The following NTM variants were observed in gnomAD, a reference collection of about 807,000 sequenced individuals.
NTM encodes the protein IgLON family member 2.
A neutral mutation model predicts 42.1 loss-of-function variants in NTM; 13 were observed. The observed-to-expected ratio is 0.31, with a 90% CI of 0.20 to 0.49. NTM has a LOEUF of 0.49. NTM is among the 20% of genes least tolerant of loss of function. The pLI is 0.99. For synonymous variants in NTM, 187 were observed against 179.2 expected (o/e 1.04, Z -0.35); for missense variants, 373 against 452.8 (o/e 0.82, Z 1.60).
chr11:132,322,105 A>G (rs1209409267), intron 7 of NTM, among the ~76,000 whole-genome samples: 1 of 152,200 alleles, frequency 6.6e-6, no homozygotes, highest in East Asian at 1.9e-4. Context: ...CGAGACTAGG[A>G]AGAAACTGCA....
intron 2 of NTM, among the ~76,000 whole-genome samples, chr11:131,952,833 C>A (rs554544343): frequency 6.6e-6 from 1 of 152,258 alleles, no homozygotes; most frequent in East Asian, 1.9e-4. Flanking sequence ...TGACTGGTGA[C>A]CAATGCATTA....
chr11:131,375,967 A>G (rs552863429), intron 1 of NTM, among the ~76,000 whole-genome samples: 1 of 151,434 alleles, frequency 6.6e-6, no homozygotes, highest in Admixed American at 6.6e-5. Context: ...TCTGTTCTTC[A>G]CCTTCTCTTT....
intron 2 of NTM, among the ~76,000 whole-genome samples, chr11:132,024,930 A>G (rs1341233114): frequency 4.6e-5 from 7 of 152,076 alleles, no homozygotes; most frequent in Non-Finnish European, 8.8e-5. Context: ...AAACAAATAC[A>G]CCCTGAGATC....
rs2074213726 is a variant in NTM, at chr11:132,161,313, C to T, written c.400+14799C>T. Among the ~76,000 whole-genome samples, 3 of 143,954 alleles carry T rather than the reference C, an allele frequency of 2.1e-5. No homozygotes were observed. The South Asian group carries it at 7.2e-4, about 34-fold the overall frequency. The allele number at this position is 143,954 out of a possible 152,430, so 94.4% of individuals were successfully genotyped here. A position where few individuals can be genotyped will look rare whatever the true frequency, so the allele number is the denominator to read the frequency against. On this transcript the variant is annotated intron_variant, in intron 3 of 8. Transcript: ENST00000683400. ...CTTCCTTTCCATAGACAGTTCTCTT[C>T]TTTGCTATTTTCCACCTAGCTCTTG... is the stretch of plus-strand genomic sequence containing the variant.
rs370640721 is a variant in NTM, at chr11:132,148,725, AT to A, written c.400+2212del. Among the ~76,000 whole-genome samples, 356 of 152,274 alleles carry A rather than the reference AT, an allele frequency of 2.3e-3. 2 individuals carry two copies. Among genetic ancestry groups the A allele is most frequent in the African/African-American group, 8.2e-3 (341 of 41,566 alleles). ...CTGATACAAAGTGAACATTTAATAA[AT>A]GCTTATTGAAGCAAATGGCTAGAAT... On this transcript the variant is annotated intron_variant, in intron 3 of 8. Coordinates refer to ENST00000683400, the MANE Select transcript of NTM (RefSeq NM_001352005.2).
intron 2 of NTM, among the ~76,000 whole-genome samples, chr11:132,097,631 T>C (rs10791194): frequency 0.73 from 111,489 of 152,192 alleles, 41,850 homozygotes; most frequent in African/African-American, 0.86. Context: ...AACACTGATA[T>C]GACCTCCTAG....
At chr11:131,637,628 T>C (rs1237721951) in intron 1 of NTM, among the ~76,000 whole-genome samples, 1 of 151,646 alleles carries the variant, frequency 6.6e-6, no homozygotes, top group Non-Finnish European at 1.5e-5. Flanking sequence ...CTCATACCAT[T>C]ATTGAGGGTA....
chr11:131,846,671 CTAAA>C (rs1356395007), intron 1 of NTM, among the ~76,000 whole-genome samples: 16 of 151,910 alleles, frequency 1.1e-4, no homozygotes, highest in African/African-American at 3.9e-4. Flanking sequence ...GCTCTGTAGT[CTAAA>C]TAGTACATAT....
intron 1 of NTM, chr11:131,536,143 G>A (rs1253063493): frequency 6.6e-6 from 1 of 152,152 alleles, no homozygotes; most frequent in Non-Finnish European, 1.5e-5. Flanking sequence ...AACAGCCATA[G>A]GAGGAGGGTT....
At chr11:131,543,461 A>G (rs1196649551) in intron 1 of NTM, among the ~76,000 whole-genome samples, 1 of 152,228 alleles carries the variant, frequency 6.6e-6, no homozygotes, top group Non-Finnish European at 1.5e-5. Context: ...CTGAAGGGCA[A>G]CAGGACACTG....
chr11:132,102,706 T>C (rs2061773086), intron 2 of NTM, among the ~76,000 whole-genome samples: 1 of 152,192 alleles, frequency 6.6e-6, no homozygotes, highest in Admixed American at 6.5e-5. Flanking sequence ...TGCCCCACTT[T>C]GTAGTACAGA....
chr11:131,525,682 G>A (rs1041226489), intron 1 of NTM, among the ~76,000 whole-genome samples: 1 of 152,176 alleles, frequency 6.6e-6, no homozygotes, highest in Non-Finnish European at 1.5e-5. Context: ...AGCATCACTG[G>A]GGCATGAGGT....
At chr11:132,287,776 T>G (rs897389114) in intron 4 of NTM, among the ~76,000 whole-genome samples, 1 of 152,340 alleles carries the variant, frequency 6.6e-6, no homozygotes, top group Admixed American at 6.5e-5. Flanking sequence ...CATGTGAATG[T>G]GTCTCTAATA....
chr11:132,317,907 GGAAAGAAA>G lies in NTM; in HGVS notation c.934+3213_934+3220del, dbSNP rs540176519. On this transcript the variant is annotated intron_variant, in intron 7 of 8. Coordinates refer to ENST00000683400, the MANE Select transcript of NTM (RefSeq NM_001352005.2). ...CACTCCCCCAGGAGGGCTGGGAAGG[GGAAAGAAA>G]GAAAGAAAAGTATCGTTAAATTCTC... Among the ~76,000 whole-genome samples, 801 of 152,212 alleles carry G rather than the reference GGAAAGAAA, an allele frequency of 5.3e-3. 5 individuals carry two copies. The highest frequency in any genetic ancestry group is 0.018 in the African/African-American group (767 of 41,510).
chr11:131,790,514 G>C (rs1169514639), intron 1 of NTM, among the ~76,000 whole-genome samples: 1 of 152,152 alleles, frequency 6.6e-6, no homozygotes, highest in Admixed American at 6.5e-5. Flanking sequence ...TTACCCTCAT[G>C]GCCTCAGAGG....
intron 4 of NTM, among the ~76,000 whole-genome samples, chr11:132,219,512 A>G (rs1479277737): frequency 6.6e-6 from 1 of 151,708 alleles, no homozygotes; most frequent in Non-Finnish European, 1.5e-5. Context: ...TTTAATATGT[A>G]TAATATTATA....
chr11:132,106,338 T>A (rs956126024), intron 2 of NTM, among the ~76,000 whole-genome samples: 1 of 152,226 alleles, frequency 6.6e-6, no homozygotes, highest in Non-Finnish European at 1.5e-5. Context: ...ATGGAAGTCA[T>A]TGGAGAGTTT....
chr11:131,445,429 AG>A (rs1465978277), intron 1 of NTM, among the ~76,000 whole-genome samples: 2 of 152,204 alleles, frequency 1.3e-5, no homozygotes, highest in African/African-American at 4.8e-5. Context: ...TGAAGAGATG[AG>A]GTGAGAAAGC....
intron 1 of NTM, among the ~76,000 whole-genome samples, chr11:131,396,118 G>C (rs1944525257): frequency 6.6e-6 from 1 of 152,200 alleles, no homozygotes; most frequent in South Asian, 2.1e-4. Context: ...GTAAAAAGCA[G>C]TCAGGTAAAG....
Sources: allele counts gnomAD v4.1 joint callset (sites outside exome capture counted in the v4.1 genomes callset), GRCh38; gene constraint gnomAD v4.1.1; transcripts MANE v1.5; gene names NCBI Gene and HGNC (gene_info 2026-07-23, HGNC 2026-07-21).